PARVA: variants seen among roughly 807,000 people sequenced by gnomAD.
PARVA encodes alpha-parvin.
Under a neutral mutation model 52.6 loss-of-function variants are expected in PARVA, and 25 were observed. That is an observed-to-expected ratio of 0.48 (90% CI 0.35 to 0.66). The LOEUF is 0.66. PARVA is among the 30% of genes least tolerant of loss of function. The pLI, the probability that PARVA is intolerant of heterozygous loss-of-function variation, is 0.01. For synonymous variants in PARVA, 185 were observed against 179.1 expected (o/e 1.03, Z -0.26); for missense variants, 373 against 450.9 (o/e 0.83, Z 1.56).
chr11:12,382,291 AATAG>A (rs1328641916), intron 1 of PARVA, among the ~76,000 whole-genome samples: 4 of 152,052 alleles, frequency 2.6e-5, no homozygotes, highest in Non-Finnish European at 5.9e-5. Context: ...AACTGTTTGT[AATAG>A]ATTTGTTTAT....
At chr11:12,444,024 A>T (rs1232547470) in intron 1 of PARVA, among the ~76,000 whole-genome samples, 3 of 152,120 alleles carry the variant, frequency 2.0e-5, no homozygotes, top group African/African-American at 7.2e-5. Context: ...GTTGAGCTGA[A>T]TCTTGAGGTC....
intron 1 of PARVA, among the ~76,000 whole-genome samples, chr11:12,390,635 G>A (rs1006750181): frequency 1.3e-5 from 2 of 152,128 alleles, no homozygotes; most frequent in Non-Finnish European, 2.9e-5. Flanking sequence ...GGTCGGTGGG[G>A]AGGCTCACAA....
chr11:12,437,897 A>G (rs775236612), intron 1 of PARVA, among the ~76,000 whole-genome samples: 6 of 152,170 alleles, frequency 3.9e-5, no homozygotes, highest in Non-Finnish European at 7.3e-5. Flanking sequence ...TTGCATCAAT[A>G]TCCAATCATC....
chr11:12,486,038 G>GA (rs1228015926), intron 4 of PARVA, among the ~76,000 whole-genome samples: 2 of 152,236 alleles, frequency 1.3e-5, no homozygotes, highest in Admixed American at 1.3e-4. Flanking sequence ...AAGGGCATTA[G>GA]AAAAAACCTA....
intron 12 of PARVA, among the ~76,000 whole-genome samples, chr11:12,525,694 G>T (rs1300969504): frequency 1.3e-5 from 2 of 152,150 alleles, no homozygotes; most frequent in African/African-American, 4.8e-5. Flanking sequence ...CAAGGTAGCA[G>T]GACTCAGCCT....
Position 12,513,359 on chromosome 11 carries a change from A to T in PARVA, c.797A>T (p.Lys266Met), listed in dbSNP as rs1197617218. The T allele has an allele frequency of 6.2e-7, 1 of 1,613,240 alleles. No homozygotes were observed. The highest frequency in any genetic ancestry group is 8.5e-7 in the Non-Finnish European group (1 of 1,179,162). ...CCAGACAAGCTGAATGTGGTGAAAA[A>T]GGTGGGAAAGGGGTGCCTGGGATGG... ...HAPDKLNVVK[K>M]TLITFVNKHL... The change falls in exon 9 of 13, where the codon AAG becomes ATG. Residue 266 changes from lysine to methionine, a missense_variant and splice_region_variant. By Grantham distance (95) the Lys-to-Met change is moderately conservative (BLOSUM62 -1). Coordinates refer to ENST00000334956, the MANE Select transcript of PARVA (RefSeq NM_018222.5).
chr11:12,470,614 C>T (rs1940920217), intron 1 of PARVA, among the ~76,000 whole-genome samples: 4 of 152,146 alleles, frequency 2.6e-5, no homozygotes, highest in Admixed American at 2.0e-4. Context: ...ACAAAACTTA[C>T]ATTCTGGTGA....
At chr11:12,442,504 A>G (rs1004580295) in intron 1 of PARVA, among the ~76,000 whole-genome samples, 1 of 152,216 alleles carries the variant, frequency 6.6e-6, no homozygotes, top group African/African-American at 2.4e-5. Flanking sequence ...TTTCAAGGTC[A>G]ATAGCTGTGA....
chr11:12,414,833 G>A (rs1367738516), intron 1 of PARVA, among the ~76,000 whole-genome samples: 1 of 152,198 alleles, frequency 6.6e-6, no homozygotes, highest in African/African-American at 2.4e-5. Context: ...TGTGGGTTAT[G>A]GCCAGCCCTG....
At chr11:12,434,856 C>T (rs149946951) in intron 1 of PARVA, among the ~76,000 whole-genome samples, 1 of 152,280 alleles carries the variant, frequency 6.6e-6, no homozygotes, top group East Asian at 1.9e-4. Context: ...TTTACCGAGC[C>T]TGCTCCAGGT....
chr11:12,533,260 A>G lies in PARVA; in HGVS notation c.*5335A>G, dbSNP rs1941794803. ...GCCTACCAGGCCAGAACGCTGATCC[A>G]TGGAGACCAGTGCTTCCAGCCCTCT... is the stretch of plus-strand genomic sequence containing the variant. On this transcript the variant is annotated 3_prime_UTR_variant, in exon 13 of 13. Transcript: ENST00000334956. Among the ~76,000 whole-genome samples, 1 of 152,230 alleles carries G rather than the reference A, an allele frequency of 6.6e-6. No homozygotes were observed. The highest frequency in any genetic ancestry group is 2.1e-4 in the South Asian group (1 of 4,832).
intron 4 of PARVA, 81 bp from the exon 5 acceptor site, chr11:12,496,377 C>CATGCACTCAT (rs1564862311): frequency 3.8e-6 from 4 of 1,052,756 alleles, no homozygotes; most frequent in Non-Finnish European, 5.1e-6. Context: ...CATGAGAGAC[C>CATGCACTCAT]GAATAACTGA....
At chr11:12,425,688 C>T (rs1291584695) in intron 1 of PARVA, among the ~76,000 whole-genome samples, 1 of 152,146 alleles carries the variant, frequency 6.6e-6, no homozygotes, top group Non-Finnish European at 1.5e-5. Flanking sequence ...ATGTACATCT[C>T]ATATGTCTAA....
intron 4 of PARVA, among the ~76,000 whole-genome samples, chr11:12,492,040 T>C (rs981341022): frequency 5.9e-5 from 9 of 152,222 alleles, no homozygotes; most frequent in Non-Finnish European, 1.2e-4. Context: ...CAGGAACTGT[T>C]CATACTGGAA....
chr11:12,502,066 G>A (rs1161521784), intron 5 of PARVA, among the ~76,000 whole-genome samples: 1 of 152,154 alleles, frequency 6.6e-6, no homozygotes, highest in East Asian at 1.9e-4. Flanking sequence ...GTCACAGTGG[G>A]TCAGTGCCAC....
intron 1 of PARVA, among the ~76,000 whole-genome samples, chr11:12,406,558 TC>T (rs1939910583): frequency 6.6e-6 from 1 of 152,098 alleles, no homozygotes; most frequent in Non-Finnish European, 1.5e-5. Flanking sequence ...CACCAAACGT[TC>T]TACAAGAATT....
intron 1 of PARVA, among the ~76,000 whole-genome samples, chr11:12,451,734 A>C (rs1940626385): frequency 6.6e-6 from 1 of 152,228 alleles, no homozygotes; most frequent in Non-Finnish European, 1.5e-5. Flanking sequence ...CAAAGTCTGC[A>C]TCCTATAGAT....
chr11:12,404,401 G>A (rs574763506), intron 1 of PARVA, among the ~76,000 whole-genome samples: 2 of 152,144 alleles, frequency 1.3e-5, no homozygotes, highest in African/African-American at 4.8e-5. Flanking sequence ...CCCAAAAAAG[G>A]GTCCAGTCCT....
chr11:12,453,343 G>T (rs1031858266), intron 1 of PARVA, among the ~76,000 whole-genome samples: 6 of 152,108 alleles, frequency 3.9e-5, no homozygotes, highest in African/African-American at 7.2e-5. Flanking sequence ...ACTGCTTGCT[G>T]TTCTGTGCTC....
Sources: gnomAD v4.1 joint callset for allele counts (sites outside exome capture counted in the v4.1 genomes callset) on GRCh38, gnomAD v4.1.1 for gene constraint, MANE v1.5 for transcripts, NCBI Gene and HGNC (gene_info 2026-07-23, HGNC 2026-07-21) for gene names.